The following ALCAM variants were observed in gnomAD, a reference collection of about 807,000 sequenced individuals.
The protein encoded by ALCAM is CD166 antigen.
Under a neutral mutation model 70.9 loss-of-function variants are expected in ALCAM, and 30 were observed. The ratio of observed to expected loss-of-function variants is 0.42; its 90% CI spans 0.32 to 0.57. The LOEUF (loss-of-function observed/expected upper bound fraction) is 0.57, where lower values mean the gene tolerates loss of function less well. ALCAM is among the 20% of genes least tolerant of loss of function. The probability of loss-of-function intolerance (pLI) is 0.11; values close to 1 mark genes in which losing one functional copy is unlikely to be tolerated. For synonymous variants in ALCAM, 249 were observed against 242.5 expected, an observed-to-expected ratio of 1.03 and a Z score of -0.25; for missense variants, 591 against 695.1, an observed-to-expected ratio of 0.85 and a Z score of 1.68.
At chr3:105,376,122 A>C (rs1010645730) in intron 1 of ALCAM, among the ~76,000 whole-genome samples, 3 of 146,786 alleles carry the variant, frequency 2.0e-5, no homozygotes, top group Non-Finnish European at 4.4e-5. Flanking sequence ...AGACAGAGAC[A>C]GAGAGAGAGA....
At chr3:105,457,014 G>C (rs537362790) in intron 1 of ALCAM, among the ~76,000 whole-genome samples, 31 of 150,540 alleles carry the variant, frequency 2.1e-4, no homozygotes, top group Non-Finnish European at 3.8e-4. Flanking sequence ...ATTACACACA[G>C]ATGCTGTCCT....
chr3:105,499,169 A>G (rs998665342), intron 1 of ALCAM, among the ~76,000 whole-genome samples: 1 of 152,186 alleles, frequency 6.6e-6, no homozygotes, highest in African/African-American at 2.4e-5. Flanking sequence ...TAAAAACCCA[A>G]GCAAAGTAGA....
At chr3:105,457,113 C>A (rs1408423174) in intron 1 of ALCAM, among the ~76,000 whole-genome samples, 2 of 152,114 alleles carry the variant, frequency 1.3e-5, no homozygotes, top group African/African-American at 4.8e-5. Flanking sequence ...TTATGCTCTG[C>A]CTTATGCTAA....
At chr3:105,472,454 C>A (rs1340822937) in intron 1 of ALCAM, among the ~76,000 whole-genome samples, 1 of 151,428 alleles carries the variant, frequency 6.6e-6, no homozygotes, top group Non-Finnish European at 1.5e-5. Context: ...CCTTGATAAT[C>A]CTAAGGTTAT....
intron 1 of ALCAM, among the ~76,000 whole-genome samples, chr3:105,463,064 A>G (rs372335037): frequency 1.3e-5 from 2 of 151,536 alleles, no homozygotes; most frequent in African/African-American, 2.4e-5. Flanking sequence ...GACGTACTAC[A>G]TAACAAATAC....
chr3:105,498,418 C>T (rs1481280620), intron 1 of ALCAM, among the ~76,000 whole-genome samples: 2 of 152,142 alleles, frequency 1.3e-5, no homozygotes, highest in Non-Finnish European at 2.9e-5. Context: ...CAGGTCTCAA[C>T]ACTACATAGA....
At chr3:105,400,640 C>G (rs1483290663) in intron 1 of ALCAM, among the ~76,000 whole-genome samples, 2 of 152,088 alleles carry the variant, frequency 1.3e-5, no homozygotes, top group Non-Finnish European at 2.9e-5. Context: ...GAGAAGAACT[C>G]TTTCTAGACA....
intron 1 of ALCAM, among the ~76,000 whole-genome samples, chr3:105,442,285 G>A (rs977895914): frequency 6.6e-6 from 1 of 152,060 alleles, no homozygotes; most frequent in African/African-American, 2.4e-5. Context: ...CATAATATGG[G>A]CTCAAGTAAA....
intron 14 of ALCAM, chr3:105,553,165 T>A: frequency 1.1e-6 from 1 of 880,128 alleles, no homozygotes; most frequent in Non-Finnish European, 1.4e-6. Context: ...GCTTTAGAGA[T>A]GTTAAACATT....
intron 1 of ALCAM, among the ~76,000 whole-genome samples, chr3:105,427,359 G>A (rs1936816135): frequency 6.6e-6 from 1 of 151,854 alleles, no homozygotes; most frequent in Non-Finnish European, 1.5e-5. Context: ...TAGAGAAGAA[G>A]GGAAGAAGAA....
intron 1 of ALCAM, among the ~76,000 whole-genome samples, chr3:105,494,568 A>T (rs1938682835): frequency 6.6e-6 from 1 of 151,984 alleles, no homozygotes; most frequent in Admixed American, 6.6e-5. Context: ...ATTTTGTCAG[A>T]CAACAATTCT....
intron 15 of ALCAM, 120 bp downstream of exon 15, chr3:105,572,084 G>C (rs1456819724): frequency 1.7e-6 from 1 of 596,760 alleles, no homozygotes; most frequent in African/African-American, 1.9e-5. Context: ...AGGAAGAGAG[G>C]GGTTTTTTTT....
At chr3:105,505,037 G>T (rs556596988) in intron 1 of ALCAM, among the ~76,000 whole-genome samples, 20 of 152,208 alleles carry the variant, frequency 1.3e-4, no homozygotes, top group Non-Finnish European at 2.4e-4. Context: ...AGCAGAGCTG[G>T]ATTCATCCTT....
At chr3:105,396,085 C>G (rs1477378075) in intron 1 of ALCAM, among the ~76,000 whole-genome samples, 1 of 151,982 alleles carries the variant, frequency 6.6e-6, no homozygotes, top group Non-Finnish European at 1.5e-5. Context: ...GTAGACTGGG[C>G]AAGCACAATA....
At chr3:105,426,473 C>A (rs1936793771) in intron 1 of ALCAM, among the ~76,000 whole-genome samples, 1 of 151,712 alleles carries the variant, frequency 6.6e-6, no homozygotes, top group Non-Finnish European at 1.5e-5. Context: ...ATAGCCATGA[C>A]TTTAACATTT....
At chr3:105,393,910 A>G (rs1008198995) in intron 1 of ALCAM, among the ~76,000 whole-genome samples, 3 of 151,920 alleles carry the variant, frequency 2.0e-5, no homozygotes, top group Admixed American at 2.0e-4. Context: ...CATGATTTGG[A>G]ATTTATATTA....
chr3:105,576,428 C>T lies in ALCAM; in HGVS notation c.*1977C>T, dbSNP rs1940964068. On this transcript the variant is annotated 3_prime_UTR_variant, in exon 16 of 16. Coordinates refer to ENST00000306107, the MANE Select transcript of ALCAM (RefSeq NM_001627.4). The stretch of plus-strand genomic sequence containing the variant: ...TATTTTCTCTTTTGGTGTGGGAGAT[C>T]AAAGGTTTAAAGTCTAACTTCTAAG... The T allele has an allele frequency of 1.3e-5, 2 of 152,328 alleles. No individual in the cohort carries two copies. Among genetic ancestry groups the T allele is most frequent in the Non-Finnish European group, 2.9e-5 (2 of 67,986 alleles). The allele number at this position is 152,328 out of a possible 1,614,324, so 9.4% of individuals were successfully genotyped here. A position where few individuals can be genotyped will look rare whatever the true frequency, so the allele number is the denominator to read the frequency against.
Position 105,575,991 on chromosome 3 carries a change from G to A in ALCAM, c.*1540G>A, listed in dbSNP as rs765498338. ...ACTTCTGCATTATTTAGAAACATAC[G>A]TTATTGTACATTTGTAAACCATTTA... On this transcript the variant is annotated 3_prime_UTR_variant, in exon 16 of 16. Coordinates refer to ENST00000306107, the MANE Select transcript of ALCAM (RefSeq NM_001627.4). 6 of 152,094 alleles carry A rather than the reference G, an allele frequency of 3.9e-5. No homozygotes were observed. Among genetic ancestry groups the A allele is most frequent in the Non-Finnish European group, 7.4e-5 (5 of 68,006 alleles). The allele number at this position is 152,094 out of a possible 1,614,324, so 9.4% of individuals were successfully genotyped here.
At position 105,477,219 on chromosome 3, in the gene ALCAM, A is replaced by T. The variant is rs577809812; in HGVS notation, c.74-42848A>T. ...ATTGAAAAGGAAAATTCCCTTTTAT[A>T]TTTACCCACATATTTACCTTTTCTA... On this transcript the variant is annotated intron_variant, in intron 1 of 15. Transcript: ENST00000306107. Among the ~76,000 whole-genome samples the T allele has an allele frequency of 2.6e-5, 4 of 152,210 alleles. No homozygotes were observed. In the South Asian group the frequency reaches 8.3e-4, roughly 32 times the overall value.
Sources: gnomAD v4.1 joint callset for allele counts (sites outside exome capture counted in the v4.1 genomes callset) on GRCh38, gnomAD v4.1.1 for gene constraint, MANE v1.5 for transcripts, NCBI Gene and HGNC (gene_info 2026-07-23, HGNC 2026-07-21) for gene names.